Variants in ZNF783 observed in about 807,000 individuals in gnomAD.
The protein encoded by ZNF783 is protein ZNF783.
ZNF783 carries 25 observed loss-of-function variants against 31.3 expected under a neutral mutation model. The ratio of observed to expected loss-of-function variants is 0.80; its 90% confidence interval spans 0.58 to 1.11. ZNF783 has a LOEUF of 1.11. ZNF783 is among the 50% of genes most tolerant of loss of function. The probability of loss-of-function intolerance (pLI) is 0.00; values close to 1 mark genes in which losing one functional copy is unlikely to be tolerated. For synonymous variants in ZNF783, 369 were observed against 319.1 expected, an observed-to-expected ratio of 1.16 and a Z score of -1.66; for missense variants, 797 against 760.0, an observed-to-expected ratio of 1.05 and a Z score of -0.57.
chr7:149,271,955 A>G (rs1191141763), intron 4 of ZNF783, among the ~76,000 whole-genome samples: 1 of 152,212 alleles, frequency 6.6e-6, no homozygotes, highest in Non-Finnish European at 1.5e-5. Flanking sequence ...GATATAAATA[A>G]TGCTGCAGGG....
intron 1 of ZNF783, among the ~76,000 whole-genome samples, chr7:149,265,723 G>A (rs532076799): frequency 3.3e-5 from 5 of 152,262 alleles, no homozygotes; most frequent in South Asian, 4.1e-4. Context: ...TGCAACATGG[G>A]GCTCATGTTT....
chr7:149,270,281 A>G (rs1413633397), intron 4 of ZNF783, among the ~76,000 whole-genome samples: 1 of 152,206 alleles, frequency 6.6e-6, no homozygotes, highest in Non-Finnish European at 1.5e-5. Context: ...GGTGCACGCC[A>G]CCATATCCGG....
At chr7:149,262,802 G>T (rs1796962139) in intron 1 of ZNF783, among the ~76,000 whole-genome samples, 1 of 152,250 alleles carries the variant, frequency 6.6e-6, no homozygotes, top group African/African-American at 2.4e-5. Flanking sequence ...CTCACGCCGG[G>T]GCAGGGATTT....
rs188893390 is a variant in ZNF783 at position 149,268,162 on chromosome 7, C to T, written c.673+940C>T. Among the ~76,000 whole-genome samples, 365 of 152,310 alleles carry T rather than the reference C, an allele frequency of 2.4e-3. 1 individual carries two copies. The highest frequency in any genetic ancestry group is 4.0e-3 in the Non-Finnish European group (275 of 68,022). On this transcript the variant is annotated intron_variant, in intron 4 of 5. Coordinates refer to ENST00000434415, the MANE Select transcript of ZNF783 (RefSeq NM_001195220.2). Reference sequence around the variant, plus strand: ...ACACTCTGCTGGGTTTTGCCACATGCGCTTCATCCATCTGTTTTTACCCTT... The same window carrying T: ...ACACTCTGCTGGGTTTTGCCACATGTGCTTCATCCATCTGTTTTTACCCTT...
chr7:149,267,234 A>G lies in ZNF783; in HGVS notation c.673+12A>G. 2 of 1,573,164 alleles carry G rather than the reference A, an allele frequency of 1.3e-6. No individual in the cohort carries two copies. Among genetic ancestry groups the G allele is most frequent in the Non-Finnish European group, 8.6e-7 (1 of 1,168,358 alleles). On this transcript the variant is annotated intron_variant, in intron 4 of 5. Transcript: ENST00000434415. ...GATGATGGGCACTGGTAAGTATAGG[A>G]GCCAGATGTGGTTGGGGGGCCGCCA...
intron 4 of ZNF783, among the ~76,000 whole-genome samples, chr7:149,267,806 AT>A (rs1797118034): frequency 6.6e-6 from 1 of 152,032 alleles, no homozygotes; most frequent in Admixed American, 6.6e-5. Flanking sequence ...AAAAAAAAAA[AT>A]AATGGGGACT....
rs1009130458 is a variant in ZNF783, at chr7:149,262,901, A to T, written c.24+544A>T. On this transcript the variant is annotated intron_variant, in intron 1 of 5. Coordinates refer to ENST00000434415, the MANE Select transcript of ZNF783 (RefSeq NM_001195220.2). ...TACAAGAGAGATAGTAGATTTTTTT[A>T]AAAAAGATTACTGTAGCAGATTTTA... Among the ~76,000 whole-genome samples the T allele has an allele frequency of 2.6e-4, 40 of 152,334 alleles. 1 individual carries two copies. The highest frequency in any genetic ancestry group is 1.5e-3 in the East Asian group (8 of 5,186).
At position 149,266,458 on chromosome 7, in the gene ZNF783, A is replaced by G. The variant is rs1419598003; in HGVS notation, c.148A>G (p.Ile50Val). The G allele has an allele frequency of 6.2e-7, 1 of 1,608,966 alleles. No individual in the cohort carries two copies. Residue 50 changes from isoleucine (I) to valine (V), a missense_variant, in exon 2 of 6, where the codon ATT becomes GTT. Transcript: ENST00000434415. Reference protein sequence around the residue: ...EITLWTVVAAIQALEKKVDSC... With the variant: ...EITLWTVVAAVQALEKKVDSC... Reference sequence around the variant, plus strand: ...CACACTGTGGACGGTGGTGGCCGCCATTCAGGCCTTGGAGAAGAAGGTGGA... The same window carrying G: ...CACACTGTGGACGGTGGTGGCCGCCGTTCAGGCCTTGGAGAAGAAGGTGGA...
At chr7:149,267,015 T>C (rs763260946) in intron 3 of ZNF783, 70 bp downstream of exon 3, 5 of 1,612,670 alleles carry the variant, frequency 3.1e-6, no homozygotes, top group Non-Finnish European at 4.2e-6. Context: ...GTCTTTGCTT[T>C]GGCTTTTGGT....
rs1244240307 is a variant in ZNF783 at position 149,281,863 on chromosome 7, CG to C, written c.1165del (p.Asp389ThrfsTer176). The C allele has an allele frequency of 6.7e-7, 1 of 1,499,688 alleles. No individual in the cohort carries two copies. Among genetic ancestry groups the C allele is most frequent in the East Asian group, 2.3e-5 (1 of 42,612 alleles). The allele number at this position is 1,499,688 out of a possible 1,614,324, so 92.9% of individuals were successfully genotyped here. A position where few individuals can be genotyped will look rare whatever the true frequency, so the allele number is the denominator to read the frequency against. ...EAPGRSPTSC[G>X]DSQAMLEPGE... ...CCCCCGGCCGCTCGCCCACCAGCTG[CG>C]GGGACAGCCAGGCCATGCTGGAGCC... On this transcript the variant is annotated frameshift_variant, in exon 6 of 6. Coordinates refer to ENST00000434415, the MANE Select transcript of ZNF783 (RefSeq NM_001195220.2). LOFTEE classifies it low-confidence loss of function (END_TRUNC).
At chr7:149,266,260 C>A in intron 1 of ZNF783, 75 bp from the exon 2 acceptor site, 1 of 1,439,634 alleles carries the variant, frequency 6.9e-7, no homozygotes, top group Non-Finnish European at 9.1e-7. Flanking sequence ...GTGTCATTTC[C>A]GAAGTGTGTT....
At chr7:149,269,261 A>G (rs1797156506) in intron 4 of ZNF783, among the ~76,000 whole-genome samples, 1 of 152,274 alleles carries the variant, frequency 6.6e-6, no homozygotes, top group South Asian at 2.1e-4. Context: ...ATGTCTGTTC[A>G]TGTCCTTTGC....
chr7:149,268,738 T>C (rs1449612630), intron 4 of ZNF783, among the ~76,000 whole-genome samples: 1 of 152,226 alleles, frequency 6.6e-6, no homozygotes, highest in Non-Finnish European at 1.5e-5. Context: ...CACTTAGGAT[T>C]ATGGCCTTCA....
intron 5 of ZNF783, among the ~76,000 whole-genome samples, chr7:149,279,395 G>T (rs533177669): frequency 6.6e-6 from 1 of 152,348 alleles, no homozygotes; most frequent in East Asian, 1.9e-4. Flanking sequence ...CAAGTCATTA[G>T]CACTGGCCTG....
Position 149,282,317 on chromosome 7 carries a change from T to A in ZNF783, c.1615T>A (p.Trp539Arg), listed in dbSNP as rs1451553638. Reference sequence around the variant, plus strand: ...CCGCCACGGGAGCCTGCCCCTGCCCTGGCCCAGCCGGAAGGAGGAGGGCTG... The same window carrying A: ...CCGCCACGGGAGCCTGCCCCTGCCCAGGCCCAGCCGGAAGGAGGAGGGCTG... The part of the protein sequence containing the change: ...PARHGSLPLP[W>R]PSRKEEG Residue 539 changes from tryptophan to arginine, a missense_variant, in exon 6 of 6, where the codon TGG becomes AGG. Coordinates refer to ENST00000434415, the MANE Select transcript of ZNF783 (RefSeq NM_001195220.2). 3.2e-6 allele frequency: 5 copies of A among 1,546,380 alleles called. No individual in the cohort carries two copies. In the Middle Eastern group the frequency reaches 5.1e-4, roughly 157 times the overall value.
intron 1 of ZNF783, among the ~76,000 whole-genome samples, chr7:149,263,833 C>G (rs1318298975): frequency 1.3e-5 from 2 of 152,180 alleles, no homozygotes; most frequent in African/African-American, 4.8e-5. Context: ...TAAAGTATAA[C>G]TTCCTCTCCC....
chr7:149,281,177 G>A (rs897848873), intron 5 of ZNF783, among the ~76,000 whole-genome samples: 1 of 152,226 alleles, frequency 6.6e-6, no homozygotes, highest in Non-Finnish European at 1.5e-5. Context: ...CCTCTCTGCT[G>A]TGCCCAGGGT....
At chr7:149,278,810 A>G (rs7806669) in intron 5 of ZNF783, among the ~76,000 whole-genome samples, 1 of 151,260 alleles carries the variant, frequency 6.6e-6, no homozygotes, top group East Asian at 1.9e-4. Flanking sequence ...GAGTGAGGGG[A>G]GGGGGTAGAT....
At position 149,262,221 on chromosome 7, in the gene ZNF783, A is replaced by C. The variant is rs1796940380; in HGVS notation, c.-113A>C. ...GGGACGCAGTTCGCTGCCGCCCGGC[A>C]GTAGCTCTCAGGTTAGGCGGGTCCC... On this transcript the variant is annotated 5_prime_UTR_variant, in exon 1 of 6. Transcript: ENST00000434415. 1.7e-5 allele frequency: 17 copies of C among 982,074 alleles called. No homozygotes were observed. In the South Asian group the frequency reaches 4.1e-4, roughly 24 times the overall value. 60.8% of individuals were successfully genotyped at this position (982,074 alleles called of 1,614,324 possible).
Sources: gnomAD v4.1 joint callset for allele counts (sites outside exome capture counted in the v4.1 genomes callset) on GRCh38, gnomAD v4.1.1 for gene constraint, MANE v1.5 for transcripts, NCBI Gene and HGNC (gene_info 2026-07-23, HGNC 2026-07-21) for gene names.